Variants in PPP1R14D observed in about 807,000 individuals in gnomAD.
PPP1R14D encodes the protein protein phosphatase 1 regulatory subunit 14D.
In PPP1R14D, 14 loss-of-function variants were observed where a neutral mutation model predicts 17.1. That is an observed-to-expected ratio of 0.82 (90% CI 0.54 to 1.28). PPP1R14D has a LOEUF of 1.28. Among genes scored for constraint, PPP1R14D ranks in the 50% most tolerant of loss-of-function variants. PPP1R14D has a pLI of 0.00. For synonymous variants in PPP1R14D, 67 were observed against 66.1 expected, an observed-to-expected ratio of 1.01 and a Z score of -0.06; for missense variants, 173 against 179.2, an observed-to-expected ratio of 0.97 and a Z score of 0.20.
chr15:40,819,790 TG>T (rs1453308337), intron 1 of PPP1R14D, among the ~76,000 whole-genome samples: 3 of 152,154 alleles, frequency 2.0e-5, no homozygotes, highest in Non-Finnish European at 1.5e-5. Flanking sequence ...GCTATTGTGC[TG>T]GAGGGGTGCT....
intron 1 of PPP1R14D, among the ~76,000 whole-genome samples, chr15:40,822,824 T>C (rs977455456): frequency 1.3e-5 from 2 of 151,764 alleles, no homozygotes; most frequent in African/African-American, 4.8e-5. Flanking sequence ...TTTGTTTTTG[T>C]TTTTGAGTAG....
In PPP1R14D at chr15:40,816,081, GA is replaced by G; in HGVS notation, c.339+88del. The G allele has an allele frequency of 1.9e-6, 3 of 1,603,332 alleles. No individual in the cohort carries two copies. The South Asian group carries it at 3.3e-5, about 18-fold the overall frequency. On this transcript the variant is annotated intron_variant, in intron 2 of 3. Coordinates refer to ENST00000299174, the MANE Select transcript of PPP1R14D (RefSeq NM_017726.8). ...AATCTCCCAAGAATTCTCCCCTCTG[GA>G]TTGGTTCTCTGCACTCCACCAAAGG... is the stretch of plus-strand genomic sequence containing the variant.
chr15:40,823,243 C>T (rs970398967), intron 1 of PPP1R14D, among the ~76,000 whole-genome samples: 1 of 151,950 alleles, frequency 6.6e-6, no homozygotes, highest in African/African-American at 2.4e-5. Context: ...GGATTACAAG[C>T]ATGAGCCACT....
At chr15:40,824,927 A>G (rs1423255318) in intron 1 of PPP1R14D, among the ~76,000 whole-genome samples, 1 of 152,232 alleles carries the variant, frequency 6.6e-6, no homozygotes, top group Admixed American at 6.5e-5. Flanking sequence ...GCAGGGAAAA[A>G]GTAAATAAGG....
At chr15:40,816,387 A>C (rs1432933554) in intron 1 of PPP1R14D, 134 bp from the exon 2 acceptor site, 1 of 723,996 alleles carries the variant, frequency 1.4e-6, no homozygotes, top group African/African-American at 1.8e-5. Flanking sequence ...ACACCCATTC[A>C]GTTTTCCATT....
In PPP1R14D at chr15:40,828,531, T is replaced by C; in HGVS notation, c.111A>G (p.Ser37=). The change falls in exon 1 of 4, where the codon TCA becomes TCG. Residue 37 remains serine, a synonymous_variant. Transcript: ENST00000299174. ...AGGAGTCCGGGTGGGACTTGGACTC[T>C]GAGTCTGTGGATGATGTCCTTCTCC... ...SGRRRTSSTD[S]ESKSHPDSSK... is the part of the protein sequence containing the mutation. The C allele has an allele frequency of 1.2e-6, 2 of 1,614,222 alleles. No individual in the cohort carries two copies. Among genetic ancestry groups the C allele is most frequent in the Non-Finnish European group, 1.7e-6 (2 of 1,180,028 alleles).
rs1051284074 is a variant in PPP1R14D at position 40,828,653 on chromosome 15, T to C, written c.-12A>G. On this transcript the variant is annotated 5_prime_UTR_variant, in exon 1 of 4. Transcript: ENST00000299174. ...CTTGAAGACAGCATGGAAGTATTGG[T>C]CTGGGCAAGGAGCTGGGAAAAACCG... is the stretch of plus-strand genomic sequence containing the variant. 2 of 1,599,104 alleles carry C rather than the reference T, an allele frequency of 1.3e-6. No homozygotes were observed. The highest frequency in any genetic ancestry group is 1.3e-5 in the African/African-American group (1 of 74,618).
At chr15:40,826,837 T>C (rs142371973) in intron 1 of PPP1R14D, among the ~76,000 whole-genome samples, 2 of 152,050 alleles carry the variant, frequency 1.3e-5, no homozygotes, top group Non-Finnish European at 2.9e-5. Flanking sequence ...CTTAATGGAG[T>C]TGTGGGAAGG....
In PPP1R14D at chr15:40,816,398, C is replaced by A. The variant is rs936452275; in HGVS notation, c.256-145G>T. 1.6e-5 allele frequency: 11 copies of A among 696,474 alleles called. No homozygotes were observed. In the Admixed American group the frequency reaches 2.4e-4, roughly 15 times the overall value. 43.1% of individuals were successfully genotyped at this position (696,474 alleles called of 1,614,324 possible). On this transcript the variant is annotated intron_variant, in intron 1 of 3. Coordinates refer to ENST00000299174, the MANE Select transcript of PPP1R14D (RefSeq NM_017726.8). Reference sequence around the variant, plus strand: ...CAGAACACCCATTCAGTTTTCCATTCAACAGTAATTTACTAAACATATACT... The same window carrying A: ...CAGAACACCCATTCAGTTTTCCATTAAACAGTAATTTACTAAACATATACT...
intron 1 of PPP1R14D, among the ~76,000 whole-genome samples, chr15:40,821,503 TA>T (rs1403343946): frequency 6.6e-6 from 1 of 150,624 alleles, no homozygotes; most frequent in Non-Finnish European, 1.5e-5. Flanking sequence ...AAGCACAGAT[TA>T]AAAAAAAACC....
chr15:40,824,428 T>G (rs886951580), intron 1 of PPP1R14D, among the ~76,000 whole-genome samples: 1 of 151,910 alleles, frequency 6.6e-6, no homozygotes, highest in Non-Finnish European at 1.5e-5. Context: ...TGGAGTGCAG[T>G]GGCACGATCA....
chr15:40,817,709 G>T (rs1235993348), intron 1 of PPP1R14D, among the ~76,000 whole-genome samples: 1 of 151,000 alleles, frequency 6.6e-6, no homozygotes, highest in East Asian at 2.0e-4. Context: ...TGACCTCCCA[G>T]GCTCAAGGGA....
chr15:40,817,240 C>T (rs1020774248), intron 1 of PPP1R14D: 4 of 301,346 alleles, frequency 1.3e-5, no homozygotes, highest in African/African-American at 6.8e-5. Flanking sequence ...ACCCGTAATC[C>T]CAGCTACTCC....
At chr15:40,816,315 C>T in intron 1 of PPP1R14D, 62 bp from the exon 2 acceptor site, 1 of 1,361,164 alleles carries the variant, frequency 7.3e-7, no homozygotes, top group South Asian at 1.2e-5. Flanking sequence ...ATGAAGGTTA[C>T]TGTCAGGGAC....
intron 1 of PPP1R14D, 108 bp downstream of exon 1, chr15:40,828,279 C>T (rs1469510087): frequency 8.6e-6 from 12 of 1,398,776 alleles, no homozygotes; most frequent in Non-Finnish European, 1.1e-5. Context: ...CAAAAGCTTT[C>T]TCTTCACGGA....
At chr15:40,821,326 G>A (rs1890772725) in intron 1 of PPP1R14D, among the ~76,000 whole-genome samples, 1 of 151,858 alleles carries the variant, frequency 6.6e-6, no homozygotes, top group Non-Finnish European at 1.5e-5. Flanking sequence ...CAGAGTGAGA[G>A]TCTGTCTCAA....
rs200793761 is a variant in PPP1R14D at position 40,828,535 on chromosome 15, T to C, written c.107A>G (p.Asp36Gly). The change falls in exon 1 of 4, where the codon GAC (aspartate) becomes GGC (glycine). Residue 36 changes from aspartate to glycine, a missense_variant. Asp to Gly is a moderately conservative substitution (Grantham distance 94, BLOSUM62 -1). Transcript: ENST00000299174. ...ASGRRRTSST[D>G]SESKSHPDSS... is the part of the protein sequence containing the mutation. ...GTCCGGGTGGGACTTGGACTCTGAG[T>C]CTGTGGATGATGTCCTTCTCCTCCC... is the stretch of plus-strand genomic sequence containing the variant. 1.9e-6 allele frequency: 3 copies of C among 1,614,064 alleles called. No homozygotes were observed. In the East Asian group the frequency reaches 6.7e-5, roughly 36 times the overall value.
rs147588923 is a variant in PPP1R14D, at chr15:40,815,709, C to T, written c.425G>A (p.Arg142Gln). 84 of 1,613,608 alleles carry T rather than the reference C, an allele frequency of 5.2e-5. No individual in the cohort carries two copies. The highest frequency in any genetic ancestry group is 5.1e-4 in the East Asian group (23 of 44,894). Residue 142 changes from arginine to glutamine, a missense_variant, in exon 4 of 4, where the codon CGG becomes CAG. Coordinates refer to ENST00000299174, the MANE Select transcript of PPP1R14D (RefSeq NM_017726.8). ...SQLKKLRRLSRPQK is the reference protein window; with the variant it reads ...SQLKKLRRLSQPQK ...GGTCTCTCAGGCTTATTTCTGAGGCCGGCTGAGTCTCCGGAGTTTCTTGAG... is the reference window on the plus strand; with the variant it reads ...GGTCTCTCAGGCTTATTTCTGAGGCTGGCTGAGTCTCCGGAGTTTCTTGAG...
Position 40,828,414 on chromosome 15 carries a change from C to T in PPP1R14D, c.228G>A (p.Val76=), listed in dbSNP as rs990661353. The T allele has an allele frequency of 6.2e-7, 1 of 1,608,720 alleles. No homozygotes were observed. Residue 76 remains valine (V), a synonymous_variant, in exon 1 of 4, where the codon GTG becomes GTA. Coordinates refer to ENST00000299174, the MANE Select transcript of PPP1R14D (RefSeq NM_017726.8). ...LQRWLEMEQW[V]DAQVQELFQD... ...GGAAGAGCTCCTGAACTTGAGCATCCACCCATTGCTCCATCTCCAGCCAGC... is the reference window on the plus strand; with the variant it reads ...GGAAGAGCTCCTGAACTTGAGCATCTACCCATTGCTCCATCTCCAGCCAGC...
Sources: allele counts gnomAD v4.1 joint callset (sites outside exome capture counted in the v4.1 genomes callset), GRCh38; gene constraint gnomAD v4.1.1; transcripts MANE v1.5; gene names NCBI Gene and HGNC (gene_info 2026-07-23, HGNC 2026-07-21).